CNBD1: variants seen among roughly 807,000 people sequenced by gnomAD.
CNBD1 encodes the protein cyclic nucleotide binding domain containing 1, also known as cyclic nucleotide-binding domain-containing protein 1.
A neutral mutation model predicts 54.4 loss-of-function variants in CNBD1; 71 were observed. The observed-to-expected ratio is 1.30, with a 90% CI of 1.08 to 1.59. The LOEUF (loss-of-function observed/expected upper bound fraction) is 1.59. CNBD1 is among the 40% of genes most tolerant of loss of function. CNBD1 has a pLI of 0.00. For synonymous variants in CNBD1, 182 were observed against 170.7 expected (o/e 1.07, Z -0.51); for missense variants, 659 against 518.0 (o/e 1.27, Z -2.64).
chr8:87,391,661 A>G (rs1470140066), intron 2 of CNBD1, among the ~76,000 whole-genome samples: 1 of 152,068 alleles, frequency 6.6e-6, no homozygotes, highest in African/African-American at 2.4e-5. Context: ...AGTTGGATCC[A>G]CACTTTGCAC....
chr8:87,298,254 T>C (rs1447573621), intron 8 of CNBD1, among the ~76,000 whole-genome samples: 2 of 152,196 alleles, frequency 1.3e-5, no homozygotes, highest in East Asian at 1.9e-4. Flanking sequence ...TTAAAAATTA[T>C]ATAGATTCAT....
intron 4 of CNBD1, among the ~76,000 whole-genome samples, chr8:87,132,038 T>C (rs1812127311): frequency 6.6e-6 from 1 of 152,036 alleles, no homozygotes; most frequent in South Asian, 2.1e-4. Flanking sequence ...TAAACATTGC[T>C]ACAGTTTCTT....
intron 4 of CNBD1, among the ~76,000 whole-genome samples, chr8:87,079,272 T>G (rs1490794381): frequency 6.6e-6 from 1 of 152,124 alleles, no homozygotes; most frequent in Non-Finnish European, 1.5e-5. Flanking sequence ...TTGATTTCAA[T>G]TTTGGATAGT....
At chr8:87,081,708 A>G (rs1258857694) in intron 4 of CNBD1, among the ~76,000 whole-genome samples, 2 of 151,788 alleles carry the variant, frequency 1.3e-5, no homozygotes, top group Non-Finnish European at 2.9e-5. Flanking sequence ...GGGTTTCACT[A>G]TGTTGGCCAG....
At chr8:86,925,949 AG>A (rs1809352945) in intron 3 of CNBD1, among the ~76,000 whole-genome samples, 1 of 152,110 alleles carries the variant, frequency 6.6e-6, no homozygotes, top group South Asian at 2.1e-4. Flanking sequence ...AAGCTTCCAC[AG>A]GGTAAAAGGA....
Position 87,278,064 on chromosome 8 carries a change from T to G in CNBD1, c.772-6614T>G, listed in dbSNP as rs561750006. 6.3e-4 allele frequency among the ~76,000 whole-genome samples: 95 copies of G among 151,658 alleles called. 1 individual carries two copies. The highest frequency in any genetic ancestry group is 2.1e-3 in the African/African-American group (89 of 41,490). ...GAAATTAATAACTCAATAGATGTAG[T>G]TATTAGCAGATTAGACACTGAAGAA... is the stretch of plus-strand genomic sequence containing the variant. On this transcript the variant is annotated intron_variant, in intron 6 of 10. Coordinates refer to ENST00000518476, the MANE Select transcript of CNBD1 (RefSeq NM_173538.3).
chr8:87,211,080 A>C (rs1363851832), intron 5 of CNBD1, among the ~76,000 whole-genome samples: 2 of 152,182 alleles, frequency 1.3e-5, no homozygotes, highest in African/African-American at 2.4e-5. Flanking sequence ...AGTGTGCTCC[A>C]GATTTGGGAC....
intron 2 of CNBD1, among the ~76,000 whole-genome samples, chr8:87,394,613 CCTT>C (rs1811375993): frequency 1.3e-5 from 2 of 151,940 alleles, no homozygotes; most frequent in East Asian, 3.9e-4. Context: ...AAACATCTAC[CCTT>C]CTTCATAGAT....
intron 8 of CNBD1, among the ~76,000 whole-genome samples, chr8:87,292,138 A>G (rs1468609977): frequency 6.6e-6 from 1 of 152,200 alleles, no homozygotes; most frequent in African/African-American, 2.4e-5. Context: ...TTATTGATAA[A>G]TCTCCTGATT....
chr8:87,048,525 T>C (rs1810248150), intron 4 of CNBD1, among the ~76,000 whole-genome samples: 1 of 152,142 alleles, frequency 6.6e-6, no homozygotes, highest in Non-Finnish European at 1.5e-5. Context: ...ATGTAGATGG[T>C]ATTATATGCC....
intron 4 of CNBD1, among the ~76,000 whole-genome samples, chr8:87,040,351 A>G (rs539626390): frequency 2.0e-5 from 3 of 151,538 alleles, no homozygotes; most frequent in Admixed American, 6.6e-5. Flanking sequence ...TTCAGTTACA[A>G]TTTTGCAATG....
At chr8:87,346,591 A>AC (rs1810180758) in intron 8 of CNBD1, among the ~76,000 whole-genome samples, 1 of 152,004 alleles carries the variant, frequency 6.6e-6, no homozygotes, top group African/African-American at 2.4e-5. Flanking sequence ...ATATATACAC[A>AC]AAAATGTATA....
At chr8:87,027,497 A>G (rs904498621) in intron 4 of CNBD1, among the ~76,000 whole-genome samples, 2 of 152,028 alleles carry the variant, frequency 1.3e-5, no homozygotes, top group African/African-American at 4.8e-5. Context: ...GTCTTGATCT[A>G]TTGACCTCGT....
chr8:87,387,644 C>A (rs767979214), downstream of CNBD1, among the ~76,000 whole-genome samples: 2 of 152,168 alleles, frequency 1.3e-5, no homozygotes, highest in Non-Finnish European at 2.9e-5. Flanking sequence ...TAGACTCCCA[C>A]ACAATCATAA....
intron 4 of CNBD1, among the ~76,000 whole-genome samples, chr8:87,093,198 C>T (rs916905622): frequency 6.6e-6 from 1 of 152,198 alleles, no homozygotes; most frequent in African/African-American, 2.4e-5. Context: ...TAAAGGATCC[C>T]TGAGTCTTTC....
chr8:87,286,592 T>A lies in CNBD1; in HGVS notation c.963T>A (p.Pro321=). 1.3e-6 allele frequency: 2 copies of A among 1,486,078 alleles called. No individual in the cohort carries two copies. The highest frequency in any genetic ancestry group is 1.8e-6 in the Non-Finnish European group (2 of 1,085,436). 92.1% of individuals were successfully genotyped at this position (1,486,078 alleles called of 1,614,324 possible). A position where few individuals can be genotyped will look rare whatever the true frequency, so the allele number is the denominator to read the frequency against. Residue 321 remains proline (P), a synonymous_variant, in exon 8 of 11, where the codon CCT becomes CCA. Coordinates refer to ENST00000518476, the MANE Select transcript of CNBD1 (RefSeq NM_173538.3). ...MQKLKLIRMC[P]YYEEWPTLSI... ...AGTTGAAATTAATCCGTATGTGTCC[T>A]TATTATGAGGAATGGCCTACTTTAT... is the stretch of plus-strand genomic sequence containing the variant.
intron 4 of CNBD1, among the ~76,000 whole-genome samples, chr8:87,201,633 A>G (rs1214795899): frequency 6.6e-6 from 1 of 152,220 alleles, no homozygotes; most frequent in Non-Finnish European, 1.5e-5. Context: ...ACCCTCAAAG[A>G]CATAAAATAC....
intron 4 of CNBD1, among the ~76,000 whole-genome samples, chr8:87,176,436 A>G (rs1019383663): frequency 6.6e-6 from 1 of 152,040 alleles, no homozygotes; most frequent in Non-Finnish European, 1.5e-5. Flanking sequence ...CTGATTTTTC[A>G]TAATTCTTAC....
At chr8:86,981,189 G>T (rs188178847) in intron 4 of CNBD1, among the ~76,000 whole-genome samples, 2 of 152,190 alleles carry the variant, frequency 1.3e-5, no homozygotes, top group Non-Finnish European at 2.9e-5. Context: ...GTGCGCGCGC[G>T]CATTGTGTAC....
Sources: allele counts gnomAD v4.1 joint callset (sites outside exome capture counted in the v4.1 genomes callset), GRCh38; gene constraint gnomAD v4.1.1; transcripts MANE v1.5; gene names NCBI Gene and HGNC (gene_info 2026-07-23, HGNC 2026-07-21).